Variants in MAX observed in about 807,000 individuals in gnomAD.
MAX encodes the protein protein max.
MAX carries 3 observed loss-of-function variants against 22.3 expected under a neutral mutation model. The ratio of observed to expected loss-of-function variants is 0.13; its 90% confidence interval spans 0.06 to 0.35. The LOEUF (loss-of-function observed/expected upper bound fraction) is 0.35. Ranked by LOEUF, MAX falls within the 10% of genes least tolerant of loss-of-function variation. The pLI is 1.00. For synonymous variants in MAX, 72 were observed against 77.7 expected (o/e 0.93, Z 0.39); for missense variants, 119 against 209.4 (o/e 0.57, Z 2.66).
intron 3 of MAX, among the ~76,000 whole-genome samples, chr14:65,065,432 C>T (rs1057045883): frequency 2.6e-5 from 4 of 152,146 alleles, no homozygotes; most frequent in African/African-American, 9.7e-5. Flanking sequence ...CAGGTGATCT[C>T]GTCGTTGTGT....
downstream of MAX, among the ~76,000 whole-genome samples, chr14:65,074,784 A>G (rs186509816): frequency 4.3e-4 from 66 of 152,338 alleles, no homozygotes; most frequent in Non-Finnish European, 4.4e-5. Flanking sequence ...CTGGGCACTC[A>G]TTACCAGGAG....
chr14:65,078,377 T>TAC lies in MAX; in HGVS notation c.172-342_172-341insGT. On this transcript the variant is annotated intron_variant, in intron 3 of 4. Coordinates refer to ENST00000358664, the MANE Select transcript of MAX (RefSeq NM_002382.5). This position sits in a 1 kb window ranked among gnomAD's most constrained non-coding sequence, Gnocchi z 6.4. ...CCACCACGCCCATCTAATTTTTTTGTATTTTTAGTAGAAATGCGGTTTCAC... is the reference window on the plus strand; with the variant it reads ...CCACCACGCCCATCTAATTTTTTTGTACATTTTTAGTAGAAATGCGGTTTCAC... 6.6e-6 allele frequency among the ~76,000 whole-genome samples: 1 copy of TAC among 152,074 alleles called. No homozygotes were observed. Among genetic ancestry groups the TAC allele is most frequent in the Non-Finnish European group, 1.5e-5 (1 of 68,020 alleles).
Position 65,032,724 on chromosome 14 carries a change from C to T in MAX, c.172-26440G>A. The T allele has an allele frequency of 5.6e-6, 9 of 1,604,032 alleles. No homozygotes were observed. Among genetic ancestry groups the T allele is most frequent in the Non-Finnish European group, 7.7e-6 (9 of 1,174,910 alleles). The stretch of plus-strand genomic sequence containing the variant: ...GAGAGAAGCCAGGGTTTCTCCTGGC[C>T]TCTTGGAGAGCAGGCGGTCACGACA... On this transcript the variant is annotated intron_variant, in intron 3 of 3. Transcript: ENST00000341653. The surrounding 1 kb of genome is among the most constrained non-coding windows in gnomAD (Gnocchi z 5.0).
chr14:65,009,232 A>G lies in MAX; in HGVS notation c.172-2948T>C, dbSNP rs2061646697. Among the ~76,000 whole-genome samples, 1 of 152,004 alleles carries G rather than the reference A, an allele frequency of 6.6e-6. No individual in the cohort carries two copies. The highest frequency in any genetic ancestry group is 2.4e-5 in the African/African-American group (1 of 41,386). ...GGGGTGCATTAAACCACAGAGATTT[A>G]TTTTTTCACATTTCTGGAGGCCAGA... On this transcript the variant is annotated intron_variant, in intron 3 of 3. Coordinates refer to the MAX transcript ENST00000341653. This position sits in a 1 kb window ranked among gnomAD's most constrained non-coding sequence, Gnocchi z 4.2.
chr14:65,080,533 G>T (rs2063174180), intron 3 of MAX, among the ~76,000 whole-genome samples: 1 of 152,178 alleles, frequency 6.6e-6, no homozygotes. Context: ...GGAATTAGAG[G>T]ACAGAGGAGT....
In MAX at chr14:65,069,408, GA is replaced by G. The variant is rs1439093128; in HGVS notation, c.171+24299del. ...CGCTCTCACTGAGGGCCCATCTCCT[GA>G]ACTCCTCTGGCATTCAGAGCCCAGA... On this transcript the variant is annotated intron_variant, in intron 3 of 3. Coordinates refer to the MAX transcript ENST00000341653. The surrounding 1 kb of genome is among the most constrained non-coding windows in gnomAD (Gnocchi z 4.6). 1.3e-5 allele frequency among the ~76,000 whole-genome samples: 2 copies of G among 152,180 alleles called. No homozygotes were observed. Among genetic ancestry groups the G allele is most frequent in the Admixed American group, 1.3e-4 (2 of 15,284 alleles).
At position 65,093,277 on chromosome 14, in the gene MAX, C is replaced by T. The variant is rs987801282; in HGVS notation, c.171+431G>A. Among the ~76,000 whole-genome samples the T allele has an allele frequency of 6.7e-6, 1 of 149,868 alleles. No individual in the cohort carries two copies. Among genetic ancestry groups the T allele is most frequent in the Admixed American group, 6.6e-5 (1 of 15,140 alleles). On this transcript the variant is annotated intron_variant, in intron 3 of 4. Transcript: ENST00000358664. The surrounding 1 kb of genome is among the most constrained non-coding windows in gnomAD (Gnocchi z 4.4). ...CCCAGGTTGTTTTTCACATACATTA[C>T]ACACATTTCTGCAAGTGCTCATTTA...
In MAX at chr14:65,075,746, C is replaced by A. The variant is rs2063041370; in HGVS notation, c.*730G>T. Reference sequence around the variant, plus strand: ...AATGGCCACTCCCTGGTGGCTGCTGCTTCACTGCTGCCATCTCCCATACAT... The same window carrying A: ...AATGGCCACTCCCTGGTGGCTGCTGATTCACTGCTGCCATCTCCCATACAT... On this transcript the variant is annotated 3_prime_UTR_variant, in exon 5 of 5. Transcript: ENST00000358664. The surrounding 1 kb of genome is among the most constrained non-coding windows in gnomAD (Gnocchi z 4.1). The A allele has an allele frequency of 1.9e-6, 2 of 1,066,352 alleles. No individual in the cohort carries two copies. Among genetic ancestry groups the A allele is most frequent in the African/African-American group, 1.6e-5 (1 of 61,218 alleles). The allele number at this position is 1,066,352 out of a possible 1,614,324, so 66.1% of individuals were successfully genotyped here.
At position 65,032,531 on chromosome 14, in the gene MAX, G is replaced by A; in HGVS notation, c.172-26247C>T. 6.6e-7 allele frequency: 1 copy of A among 1,521,584 alleles called. No homozygotes were observed. Among genetic ancestry groups the A allele is most frequent in the Non-Finnish European group, 8.9e-7 (1 of 1,124,636 alleles). The allele number at this position is 1,521,584 out of a possible 1,614,324, so 94.3% of individuals were successfully genotyped here. ...GATTACAGCTTACTAGGCAAGGCGA[G>A]CAGTCCGCCCGCGGAGTTCACTGAG... On this transcript the variant is annotated intron_variant, in intron 3 of 3. Coordinates refer to the MAX transcript ENST00000341653. This position sits in a 1 kb window ranked among gnomAD's most constrained non-coding sequence, Gnocchi z 5.0.
In MAX at chr14:65,045,059, C is replaced by T. The variant is rs548906284; in HGVS notation, c.172-38775G>A. On this transcript the variant is annotated intron_variant, in intron 3 of 3. Transcript: ENST00000341653. ...CCATTGGAGTAGAGAAATCCACGTT[C>T]GTTTCTGTGGGGTCTCAAATGGGAA... Among the ~76,000 whole-genome samples the T allele has an allele frequency of 2.6e-5, 4 of 152,146 alleles. No homozygotes were observed. The South Asian group carries it at 6.2e-4, about 24-fold the overall frequency.
At position 65,083,508 on chromosome 14, in the gene MAX, T is replaced by C. The variant is rs1049550789; in HGVS notation, c.172-5472A>G. On this transcript the variant is annotated intron_variant, in intron 3 of 4. Transcript: ENST00000358664. ...TAAAACTTCAAGTTGTTTTAGAAAG[T>C]GGGTGGGGAGAGGTGAGGAAAAGAA... Among the ~76,000 whole-genome samples the C allele has an allele frequency of 3.3e-5, 5 of 152,178 alleles. No individual in the cohort carries two copies. In the East Asian group the frequency reaches 7.7e-4, roughly 23 times the overall value.
rs1321788116 is a variant in MAX at position 65,088,684 on chromosome 14, A to C, written c.171+5024T>G. ...TCCCCTCAGTTAATAAATATTCACTATGCTCCCTACTATGTGCAGGCACTG... is the reference window on the plus strand; with the variant it reads ...TCCCCTCAGTTAATAAATATTCACTCTGCTCCCTACTATGTGCAGGCACTG... On this transcript the variant is annotated intron_variant, in intron 3 of 4. Coordinates refer to ENST00000358664, the MANE Select transcript of MAX (RefSeq NM_002382.5). The surrounding 1 kb of genome is among the most constrained non-coding windows in gnomAD (Gnocchi z 5.2). Among the ~76,000 whole-genome samples, 1 of 152,260 alleles carries C rather than the reference A, an allele frequency of 6.6e-6. No individual in the cohort carries two copies. Among genetic ancestry groups the C allele is most frequent in the Non-Finnish European group, 1.5e-5 (1 of 68,046 alleles).
chr14:65,027,821 C>A lies in MAX; in HGVS notation c.172-21537G>T. The A allele has an allele frequency of 6.2e-7, 1 of 1,612,630 alleles. No homozygotes were observed. The highest frequency in any genetic ancestry group is 2.2e-5 in the East Asian group (1 of 44,852). On this transcript the variant is annotated intron_variant, in intron 3 of 3. Transcript: ENST00000341653. The surrounding 1 kb of genome is among the most constrained non-coding windows in gnomAD (Gnocchi z 5.7). ...GCACAGGCTGCCACATCAGTTGACTCTAGAGCTCATCTGCCATTAGAGATG... is the reference window on the plus strand; with the variant it reads ...GCACAGGCTGCCACATCAGTTGACTATAGAGCTCATCTGCCATTAGAGATG...
chr14:65,089,481 C>T (rs967078868), intron 3 of MAX, among the ~76,000 whole-genome samples: 7 of 151,958 alleles, frequency 4.6e-5, no homozygotes, highest in African/African-American at 1.7e-4. Context: ...TTACTATAAA[C>T]CACTGTAGAG....
At chr14:65,045,125 A>T (rs949725961) in intron 3 of MAX, among the ~76,000 whole-genome samples, 11 of 152,058 alleles carry the variant, frequency 7.2e-5, no homozygotes, top group African/African-American at 2.7e-4. Context: ...GTCTGGGAAC[A>T]TTCTCTCTCT....
In MAX at chr14:65,030,628, G is replaced by A. The variant is rs1365485997; in HGVS notation, c.172-24344C>T. On this transcript the variant is annotated intron_variant, in intron 3 of 3. Coordinates refer to the MAX transcript ENST00000341653. The surrounding 1 kb of genome is among the most constrained non-coding windows in gnomAD (Gnocchi z 4.5). The stretch of plus-strand genomic sequence containing the variant: ...GTGGTGGCATGCATCTGTAGCCTCA[G>A]CTGCTTAGGAGGCTGAGGCAAGATC... Among the ~76,000 whole-genome samples, 2 of 151,966 alleles carry A rather than the reference G, an allele frequency of 1.3e-5. No individual in the cohort carries two copies. The highest frequency in any genetic ancestry group is 1.9e-4 in the East Asian group (1 of 5,168).
At chr14:65,019,308 G>A (rs1421992671) in intron 3 of MAX, among the ~76,000 whole-genome samples, 28 of 152,150 alleles carry the variant, frequency 1.8e-4, no homozygotes, top group Admixed American at 1.8e-3. Flanking sequence ...CCAACATGGT[G>A]AAACCCTGTC....
chr14:65,052,859 G>A (rs1344614103), intron 3 of MAX, among the ~76,000 whole-genome samples: 1 of 152,192 alleles, frequency 6.6e-6, no homozygotes, highest in Non-Finnish European at 1.5e-5. Context: ...TAGAGGGAAT[G>A]TCTCTTGAAG....
At position 65,054,910 on chromosome 14, in the gene MAX, A is replaced by C. The variant is rs563750809; in HGVS notation, c.171+38798T>G. 1.2e-4 allele frequency among the ~76,000 whole-genome samples: 18 copies of C among 152,292 alleles called. No homozygotes were observed. In the East Asian group the frequency reaches 3.3e-3, roughly 28 times the overall value. On this transcript the variant is annotated intron_variant, in intron 3 of 3. Transcript: ENST00000341653. This position sits in a 1 kb window ranked among gnomAD's most constrained non-coding sequence, Gnocchi z 4.4. ...TCCAGATGGGCGGTCTGATCTGTCA[A>C]AGAGCTGTTGTGCCTTTATCCCAGG...
Sources: allele counts gnomAD v4.1 joint callset (sites outside exome capture counted in the v4.1 genomes callset), GRCh38; gene constraint gnomAD v4.1.1; non-coding constraint Gnocchi (gnomAD v3.1); transcripts MANE v1.5; gene names NCBI Gene and HGNC (gene_info 2026-07-23, HGNC 2026-07-21).